The following TMEM266 variants were observed in gnomAD, a reference collection of about 807,000 sequenced individuals.
The protein encoded by TMEM266 is Hv1 related protein 1.
TMEM266 carries 33 observed loss-of-function variants against 50.5 expected under a neutral mutation model. That is an observed-to-expected ratio of 0.65 (90% CI 0.50 to 0.87). The LOEUF is 0.87. Ranked by LOEUF, TMEM266 falls within the 40% of genes least tolerant of loss-of-function variation. The probability of loss-of-function intolerance (pLI) is 0.00; values close to 1 mark genes in which losing one functional copy is unlikely to be tolerated. For missense variants in TMEM266, 655 were observed against 695.1 expected, an observed-to-expected ratio of 0.94 and a Z score of 0.65; for synonymous variants, 310 against 292.3, an observed-to-expected ratio of 1.06 and a Z score of -0.62.
intron 7 of TMEM266, among the ~76,000 whole-genome samples, chr15:76,173,250 G>A (rs1471093482): frequency 6.6e-6 from 1 of 152,168 alleles, no homozygotes; most frequent in Non-Finnish European, 1.5e-5. Context: ...ACATCTGGAG[G>A]TGCAGAGGCT....
intron 1 of TMEM266, 100 bp from the exon 2 acceptor site, chr15:76,134,068 G>T: frequency 1.9e-6 from 1 of 526,842 alleles, no homozygotes; most frequent in East Asian, 3.0e-5. Context: ...GAAGAAAAGT[G>T]CTAGATGGAA....
intron 5 of TMEM266, among the ~76,000 whole-genome samples, chr15:76,166,997 C>T (rs1180559611): frequency 1.3e-5 from 2 of 152,128 alleles, no homozygotes; most frequent in Non-Finnish European, 2.9e-5. Flanking sequence ...AGAGGAGGAG[C>T]GGCTGCCATA....
rs761198974 is a variant in TMEM266, at chr15:76,204,708, A to G, written c.*393A>G. On this transcript the variant is annotated 3_prime_UTR_variant, in exon 11 of 11. Coordinates refer to ENST00000388942, the MANE Select transcript of TMEM266 (RefSeq NM_152335.3). Reference sequence around the variant, plus strand: ...CTGTGAGCAGGGGCTGTCCAGCCCCACCCCTAAGCCGTCTTTCCCAGGAAT... The same window carrying G: ...CTGTGAGCAGGGGCTGTCCAGCCCCGCCCCTAAGCCGTCTTTCCCAGGAAT... 1.8e-4 allele frequency: 30 copies of G among 162,270 alleles called. No homozygotes were observed. Among genetic ancestry groups the G allele is most frequent in the Middle Eastern group, 6.3e-3 (2 of 318 alleles). 10.1% of individuals were successfully genotyped at this position (162,270 alleles called of 1,614,324 possible).
At chr15:76,131,844 C>T (rs926980704) in intron 1 of TMEM266, among the ~76,000 whole-genome samples, 1 of 152,250 alleles carries the variant, frequency 6.6e-6, no homozygotes, top group Non-Finnish European at 1.5e-5. Flanking sequence ...TCCTTGGCTG[C>T]CCTTCTGCTT....
At chr15:76,201,363 C>T (rs1219831697) in intron 9 of TMEM266, among the ~76,000 whole-genome samples, 2 of 152,156 alleles carry the variant, frequency 1.3e-5, no homozygotes, top group East Asian at 1.9e-4. Flanking sequence ...CCCATTCCCT[C>T]CCTGCTCCTC....
At chr15:76,202,416 C>T in intron 10 of TMEM266, 152 bp downstream of exon 10, 1 of 709,202 alleles carries the variant, frequency 1.4e-6, no homozygotes, top group Non-Finnish European at 2.3e-6. Flanking sequence ...ATCGGAGCTT[C>T]AGCTTCCAGC....
At chr15:76,088,962 C>G (rs1476007886) in intron 1 of TMEM266, among the ~76,000 whole-genome samples, 1 of 151,516 alleles carries the variant, frequency 6.6e-6, no homozygotes, top group Non-Finnish European at 1.5e-5. Flanking sequence ...GGCATGGTGG[C>G]ACATGCCTGT....
chr15:76,129,901 G>A (rs2935979), intron 1 of TMEM266, among the ~76,000 whole-genome samples: 30,546 of 151,858 alleles, frequency 0.2, 4,109 homozygotes, highest in African/African-American at 0.37. Context: ...TGGGGGAAAT[G>A]TAAACAATGC....
At chr15:76,125,563 T>A (rs1305878398) in intron 1 of TMEM266, among the ~76,000 whole-genome samples, 1 of 150,840 alleles carries the variant, frequency 6.6e-6, no homozygotes, top group African/African-American at 2.4e-5. Context: ...TAAAAAAAAA[T>A]GGGGCTGGGC....
At chr15:76,122,604 G>A (rs1319955441) in intron 1 of TMEM266, among the ~76,000 whole-genome samples, 1 of 152,214 alleles carries the variant, frequency 6.6e-6, no homozygotes, top group Non-Finnish European at 1.5e-5. Context: ...TTGAAAGGTG[G>A]CATTTATACT....
At chr15:76,150,825 G>A (rs534875506) in intron 3 of TMEM266, among the ~76,000 whole-genome samples, 145 of 152,300 alleles carry the variant, frequency 9.5e-4, no homozygotes, top group Admixed American at 5.6e-3. Context: ...TGGCTTTATC[G>A]CATATAAAGC....
intron 1 of TMEM266, among the ~76,000 whole-genome samples, chr15:76,097,607 G>A (rs1289470786): frequency 6.6e-6 from 1 of 151,798 alleles, no homozygotes; most frequent in Admixed American, 6.6e-5. Context: ...TATCTTTGTG[G>A]TGTTCTCTGT....
intron 10 of TMEM266, 41 bp from the exon 11 acceptor site, chr15:76,203,700 C>A: frequency 6.4e-7 from 1 of 1,569,898 alleles, no homozygotes; most frequent in Non-Finnish European, 8.7e-7. Flanking sequence ...CCAGGTGTGG[C>A]AGAGGTTGAA....
chr15:76,159,401 C>T (rs957816388), intron 4 of TMEM266, among the ~76,000 whole-genome samples: 2 of 152,190 alleles, frequency 1.3e-5, no homozygotes, highest in Non-Finnish European at 2.9e-5. Flanking sequence ...CGGGAACCCT[C>T]AGGGGCTGAT....
At chr15:76,105,988 G>A (rs545572773) in intron 1 of TMEM266, among the ~76,000 whole-genome samples, 91 of 152,272 alleles carry the variant, frequency 6.0e-4, no homozygotes, top group African/African-American at 2.1e-3. Context: ...GTGGCCTCAC[G>A]TTCTACTGTG....
chr15:76,095,112 T>C (rs1320592020), intron 1 of TMEM266, among the ~76,000 whole-genome samples: 1 of 152,090 alleles, frequency 6.6e-6, no homozygotes, highest in Non-Finnish European at 1.5e-5. Context: ...TATTTCTTTC[T>C]CTTGCCTGAT....
intron 1 of TMEM266, among the ~76,000 whole-genome samples, chr15:76,120,824 T>C (rs2037331798): frequency 6.6e-6 from 1 of 151,706 alleles, no homozygotes; most frequent in South Asian, 2.1e-4. Flanking sequence ...TATGTGTTTT[T>C]GCATGCATAT....
chr15:76,149,546 C>T (rs2037806994), intron 3 of TMEM266, among the ~76,000 whole-genome samples: 1 of 152,196 alleles, frequency 6.6e-6, no homozygotes, highest in Non-Finnish European at 1.5e-5. Flanking sequence ...GTGTTATGGG[C>T]TTGACATATG....
At chr15:76,193,183 C>T (rs1248018393) in intron 9 of TMEM266, among the ~76,000 whole-genome samples, 1 of 152,184 alleles carries the variant, frequency 6.6e-6, no homozygotes, top group African/African-American at 2.4e-5. Flanking sequence ...TGAGAAAGCT[C>T]TGAGGGCTGT....
Sources: allele counts gnomAD v4.1 joint callset (sites outside exome capture counted in the v4.1 genomes callset), GRCh38; gene constraint gnomAD v4.1.1; transcripts MANE v1.5; gene names NCBI Gene and HGNC (gene_info 2026-07-23, HGNC 2026-07-21).